Variants in ATRNL1 observed in about 807,000 individuals in gnomAD.
ATRNL1 encodes attractin-like protein 1.
In ATRNL1, 95 loss-of-function variants were observed where a neutral mutation model predicts 182.7. The ratio of observed to expected loss-of-function variants is 0.52; its 90% CI spans 0.44 to 0.62. ATRNL1 has a LOEUF of 0.62. Ranked by LOEUF, ATRNL1 falls within the 20% of genes least tolerant of loss-of-function variation. The pLI is 0.00. For missense variants in ATRNL1, 1,471 were observed against 1,679.5 expected (o/e 0.88, Z 2.17); for synonymous variants, 576 against 568.3 (o/e 1.01, Z -0.19).
At chr10:115,327,836 T>C (rs1177284922) in intron 18 of ATRNL1, among the ~76,000 whole-genome samples, 7 of 149,424 alleles carry the variant, frequency 4.7e-5, no homozygotes, top group African/African-American at 1.5e-4. Context: ...ATCGCAAGAA[T>C]AAAAAACCAA....
chr10:115,210,212 A>T (rs1302321497), intron 8 of ATRNL1, among the ~76,000 whole-genome samples: 1 of 151,984 alleles, frequency 6.6e-6, no homozygotes, highest in African/African-American at 2.4e-5. Context: ...AATGAAAGTG[A>T]TTCTGTATAC....
At chr10:115,094,131 C>T in intron 1 of ATRNL1, 88 bp downstream of exon 1, 14 of 1,223,050 alleles carry the variant, frequency 1.1e-5, no homozygotes, top group Non-Finnish European at 1.5e-5. Flanking sequence ...TCCCCCGCCC[C>T]CGTCGCTGCC....
At chr10:115,549,891 T>G (rs757327902) in intron 26 of ATRNL1, among the ~76,000 whole-genome samples, 1 of 151,936 alleles carries the variant, frequency 6.6e-6, no homozygotes, top group South Asian at 2.1e-4. Flanking sequence ...AAATTTAAAA[T>G]TCTGAGTGAT....
chr10:115,182,315 A>T (rs1179309599), intron 8 of ATRNL1, among the ~76,000 whole-genome samples: 2 of 151,566 alleles, frequency 1.3e-5, no homozygotes, highest in African/African-American at 4.8e-5. Context: ...AAAATTAGGT[A>T]AGAAAGATGA....
chr10:115,168,946 A>T (rs571795887), intron 7 of ATRNL1, among the ~76,000 whole-genome samples: 3 of 146,244 alleles, frequency 2.1e-5, no homozygotes, highest in East Asian at 4.1e-4. Flanking sequence ...TATAGTTTTG[A>T]TTCTTGCATT....
intron 26 of ATRNL1, among the ~76,000 whole-genome samples, chr10:115,676,426 A>T (rs1945863297): frequency 1.3e-5 from 2 of 152,062 alleles, no homozygotes; most frequent in Admixed American, 6.6e-5. Context: ...AATTTAGTAG[A>T]ATTATTTACT....
intron 27 of ATRNL1, among the ~76,000 whole-genome samples, chr10:115,758,872 T>C (rs1948660517): frequency 6.6e-6 from 1 of 152,254 alleles, no homozygotes; most frequent in Admixed American, 6.5e-5. Context: ...TTAATTCTTA[T>C]GGGTGTACAT....
At chr10:115,304,623 G>T (rs1043115684) in intron 17 of ATRNL1, among the ~76,000 whole-genome samples, 1 of 152,192 alleles carries the variant, frequency 6.6e-6, no homozygotes, top group Non-Finnish European at 1.5e-5. Context: ...GGAGGAGGGG[G>T]TGTCTGATTT....
At chr10:115,149,349 G>T (rs1396702104) in intron 5 of ATRNL1, among the ~76,000 whole-genome samples, 1 of 151,982 alleles carries the variant, frequency 6.6e-6, no homozygotes, top group Non-Finnish European at 1.5e-5. Flanking sequence ...CTTTTTGTTA[G>T]AAAAGAAATG....
intron 21 of ATRNL1, among the ~76,000 whole-genome samples, chr10:115,457,853 A>G (rs1367989688): frequency 1.3e-5 from 2 of 151,402 alleles, no homozygotes; most frequent in East Asian, 3.9e-4. Flanking sequence ...TCTCTTTGCA[A>G]TTTTTCCTTT....
At chr10:115,129,571 G>T in intron 5 of ATRNL1, 36 bp downstream of exon 5, 1 of 1,539,058 alleles carries the variant, frequency 6.5e-7, no homozygotes, top group Non-Finnish European at 9.0e-7. Flanking sequence ...TTGAAACATT[G>T]ATTCATATAT....
intron 27 of ATRNL1, among the ~76,000 whole-genome samples, chr10:115,773,100 G>A (rs116971595): frequency 0.018 from 2,749 of 152,218 alleles, 41 homozygotes; most frequent in Non-Finnish European, 0.025. Context: ...ACTTTACTAT[G>A]AGAAATGAAA....
intron 19 of ATRNL1, among the ~76,000 whole-genome samples, chr10:115,387,977 G>A (rs1843754327): frequency 6.6e-6 from 1 of 152,052 alleles, no homozygotes; most frequent in African/African-American, 2.4e-5. Context: ...GTTTTATTGT[G>A]TGATTAAGTG....
chr10:115,713,861 T>A (rs1386038299), intron 26 of ATRNL1, among the ~76,000 whole-genome samples: 2 of 152,162 alleles, frequency 1.3e-5, no homozygotes, highest in Non-Finnish European at 2.9e-5. Context: ...GCCCCAAGTT[T>A]GGGACTCACT....
chr10:115,883,824 T>G (rs1555109193), intron 28 of ATRNL1, among the ~76,000 whole-genome samples: 2 of 152,218 alleles, frequency 1.3e-5, no homozygotes, highest in Non-Finnish European at 2.9e-5. Flanking sequence ...TAAGAATCTC[T>G]GACCAGTTCA....
intron 26 of ATRNL1, among the ~76,000 whole-genome samples, chr10:115,618,985 C>A (rs1295443962): frequency 1.3e-5 from 2 of 152,004 alleles, no homozygotes; most frequent in Non-Finnish European, 2.9e-5. Flanking sequence ...ATGTATTTTT[C>A]CTTTAGATGT....
At position 115,571,288 on chromosome 10, in the gene ATRNL1, C is replaced by T; in HGVS notation, c.3795+21752C>T. On this transcript the variant is annotated intron_variant, in intron 26 of 28. Transcript: ENST00000355044. ...TAAACGTGTGGAAAAATGGATTGTC[C>T]TGCTTTTTCATGGAAGGAAGGAGTG... Among the ~76,000 whole-genome samples, 2 of 152,142 alleles carry T rather than the reference C, an allele frequency of 1.3e-5. 1 individual carries two copies. The highest frequency in any genetic ancestry group is 1.3e-4 in the Admixed American group (2 of 15,266).
chr10:115,525,745 G>T lies in ATRNL1; in HGVS notation c.3716+6421G>T, dbSNP rs532317122. Among the ~76,000 whole-genome samples, 38 of 152,092 alleles carry T rather than the reference G, an allele frequency of 2.5e-4. 1 individual carries two copies. The South Asian group carries it at 7.7e-3, about 31-fold the overall frequency. ...TACGAGTCACTCTAGCAACAAGTTT[G>T]CTCCATTCCCTGGAATCCTCAGTAG... On this transcript the variant is annotated intron_variant, in intron 25 of 28. Coordinates refer to ENST00000355044, the MANE Select transcript of ATRNL1 (RefSeq NM_207303.4).
intron 28 of ATRNL1, among the ~76,000 whole-genome samples, chr10:115,919,724 A>G (rs77778866): frequency 2.3e-4 from 35 of 152,278 alleles, no homozygotes; most frequent in African/African-American, 8.2e-4. Context: ...TAAACAGCAA[A>G]CATTTATTTC....
Sources: allele counts gnomAD v4.1 joint callset (sites outside exome capture counted in the v4.1 genomes callset), GRCh38; gene constraint gnomAD v4.1.1; transcripts MANE v1.5; gene names NCBI Gene and HGNC (gene_info 2026-07-23, HGNC 2026-07-21).